The following ZZEF1 variants were observed in gnomAD, a reference collection of about 807,000 sequenced individuals.
The protein encoded by ZZEF1 is zinc finger ZZ-type and EF-hand domain-containing protein 1.
ZZEF1 carries 157 observed loss-of-function variants against 342.8 expected under a neutral mutation model. The ratio of observed to expected loss-of-function variants is 0.46; its 90% confidence interval spans 0.40 to 0.52. The LOEUF is 0.52. ZZEF1 is among the 20% of genes least tolerant of loss of function. The pLI is 0.00. For missense variants in ZZEF1, 3,480 were observed against 3,725.6 expected, an observed-to-expected ratio of 0.93 and a Z score of 1.72; for synonymous variants, 1,505 against 1,429.1, an observed-to-expected ratio of 1.05 and a Z score of -1.20.
intron 42 of ZZEF1, among the ~76,000 whole-genome samples, chr17:4,026,926 C>T (rs2056419683): frequency 6.6e-6 from 1 of 152,016 alleles, no homozygotes; most frequent in Non-Finnish European, 1.5e-5. Context: ...AAAAAAGTCC[C>T]CCAGACAAAC....
chr17:4,086,382 CCTTTCTGG>C, intron 15 of ZZEF1, 96 bp downstream of exon 15: 2 of 1,164,608 alleles, frequency 1.7e-6, no homozygotes, highest in East Asian at 2.5e-5. Flanking sequence ...AGCGGCAATC[CCTTTCTGG>C]CTCGCATCAT....
intron 11 of ZZEF1, among the ~76,000 whole-genome samples, chr17:4,091,285 G>A (rs1181170691): frequency 6.6e-6 from 1 of 152,158 alleles, no homozygotes; most frequent in African/African-American, 2.4e-5. Flanking sequence ...ACATCTGAGG[G>A]CTTTCAGATC....
At position 4,056,200 on chromosome 17, in the gene ZZEF1, A is replaced by G. The variant is rs111753800; in HGVS notation, c.5295+16T>C. 1.8e-4 allele frequency: 289 copies of G among 1,566,554 alleles called. 2 individuals are homozygous for G. The African/African-American group carries it at 3.0e-3, about 16-fold the overall frequency. ...CTAGCAAATCACTTCAGAGTACTCT[A>G]GTTGAGAGGTCTTACTTTCCTCTGC... On this transcript the variant is annotated intron_variant, in intron 33 of 54. Coordinates refer to ENST00000381638, the MANE Select transcript of ZZEF1 (RefSeq NM_015113.4).
chr17:4,052,275 G>GA (rs2057065146), intron 34 of ZZEF1, 139 bp from the exon 35 acceptor site: 2 of 780,250 alleles, frequency 2.6e-6, no homozygotes, highest in Admixed American at 3.2e-5. Context: ...GCGTTCTCTG[G>GA]AGACAGGGTG....
At chr17:4,019,590 C>G (rs2056211825) in intron 46 of ZZEF1, 79 bp downstream of exon 46, 1 of 1,299,070 alleles carries the variant, frequency 7.7e-7, no homozygotes, top group African/African-American at 1.5e-5. Flanking sequence ...CCAGAAGCTG[C>G]TGCCAGGAGG....
Position 4,050,867 on chromosome 17 carries a change from G to C in ZZEF1, c.5777C>G (p.Pro1926Arg). Reference sequence around the variant, plus strand: ...GGTGGTGGCACTGCTGCGCGTCTGGGGGTCCAGCTTCTCCCCATCCACATC... The same window carrying C: ...GGTGGTGGCACTGCTGCGCGTCTGGCGGTCCAGCTTCTCCCCATCCACATC... ...AEDVDGEKLD[P>R]QTRSSATTLR... The change falls in exon 36 of 55, where the codon CCC (proline) becomes CGC (arginine). Residue 1926 changes from proline (P) to arginine (R), a missense_variant. Physicochemically the swap from Pro to Arg is moderately radical, Grantham distance 103 (BLOSUM62 -2). Coordinates refer to ENST00000381638, the MANE Select transcript of ZZEF1 (RefSeq NM_015113.4). The C allele has an allele frequency of 1.2e-6, 2 of 1,614,208 alleles. No individual in the cohort carries two copies. Among genetic ancestry groups the C allele is most frequent in the African/African-American group, 2.7e-5 (2 of 75,066 alleles).
intron 1 of ZZEF1, among the ~76,000 whole-genome samples, chr17:4,129,350 C>T (rs926574288): frequency 2.0e-5 from 3 of 152,128 alleles, no homozygotes; most frequent in Non-Finnish European, 4.4e-5. Context: ...AACAGAACTA[C>T]CATTTGACCC....
In ZZEF1 at chr17:4,088,880, T is replaced by C; in HGVS notation, c.2039A>G (p.Lys680Arg). 6.2e-7 allele frequency: 1 copy of C among 1,614,050 alleles called. No homozygotes were observed. Among genetic ancestry groups the C allele is most frequent in the Non-Finnish European group, 8.5e-7 (1 of 1,180,024 alleles). Reference protein sequence around the residue: ...QCRVAKYLMVKFLCTRQESAE... With the variant: ...QCRVAKYLMVRFLCTRQESAE... ...TGACTCCTGACGGGTGCAGAGGAAC[T>C]TCACCATCAAATACTGGACAGGACA... Residue 680 changes from lysine to arginine, a missense_variant, in exon 13 of 55, where the codon AAG (lysine) becomes AGG (arginine). Around this residue, in one of 5 missense-constraint regions of ZZEF1, gnomAD observed 1,528 missense variants for 1,624.1 expected, o/e 0.94. Coordinates refer to ENST00000381638, the MANE Select transcript of ZZEF1 (RefSeq NM_015113.4).
Position 4,076,734 on chromosome 17 carries a change from G to A in ZZEF1, c.3137C>T (p.Thr1046Ile). The A allele has an allele frequency of 1.2e-6, 2 of 1,611,516 alleles. No homozygotes were observed. Among genetic ancestry groups the A allele is most frequent in the Non-Finnish European group, 8.5e-7 (1 of 1,177,868 alleles). ...QLVIFLLDFC[T>I]LDIPHCVLLR... ...GAGCACGCAGTGTGGGATGTCTAAA[G>A]TGCAGAAGTCCAGCAGGAAGATAAC... The change falls in exon 21 of 55, where the codon ACT becomes ATT. Residue 1046 changes from threonine to isoleucine, a missense_variant. Thr to Ile is a moderately conservative substitution (Grantham distance 89, BLOSUM62 -1). Around this residue, in one of 5 missense-constraint regions of ZZEF1, gnomAD observed 1,528 missense variants for 1,624.1 expected, o/e 0.94. Transcript: ENST00000381638.
rs1345451542 is a variant in ZZEF1, at chr17:4,044,292, T to C, written c.6098A>G (p.Lys2033Arg). ...AATTTGGGTCTGGCATGAAGGATCC[T>C]TCGATAATGATACACCTTTATCTGC... ...NKADKGVSLS[K>R]DPSCQTQISD... Residue 2033 changes from lysine (K) to arginine (R), a missense_variant, in exon 38 of 55, where the codon AAG (lysine) becomes AGG (arginine). Lys to Arg is a conservative substitution (Grantham distance 26). Around this residue, in one of 5 missense-constraint regions of ZZEF1, gnomAD observed 1,269 missense variants for 1,342.4 expected, o/e 0.95. Transcript: ENST00000381638. 1.2e-6 allele frequency: 2 copies of C among 1,614,044 alleles called. No individual in the cohort carries two copies. The highest frequency in any genetic ancestry group is 2.7e-5 in the African/African-American group (2 of 74,938).
At chr17:4,102,045 A>G (rs2058135929) in intron 9 of ZZEF1, among the ~76,000 whole-genome samples, 1 of 152,232 alleles carries the variant, frequency 6.6e-6, no homozygotes. Flanking sequence ...TGAAAAAACG[A>G]TTAAAAAAAA....
chr17:4,101,595 T>A (rs1233934178), intron 9 of ZZEF1, among the ~76,000 whole-genome samples: 1 of 152,164 alleles, frequency 6.6e-6, no homozygotes, highest in Non-Finnish European at 1.5e-5. Flanking sequence ...ACGCAAATAC[T>A]ACATCAGCTA....
At position 4,022,951 on chromosome 17, in the gene ZZEF1, T is replaced by A. The variant is rs953397843; in HGVS notation, c.7093-123A>T. 2.3e-6 allele frequency: 3 copies of A among 1,330,788 alleles called. No homozygotes were observed. The African/African-American group carries it at 4.4e-5, about 19-fold the overall frequency. 82.4% of individuals were successfully genotyped at this position (1,330,788 alleles called of 1,614,324 possible). On this transcript the variant is annotated intron_variant, in intron 43 of 54. Coordinates refer to ENST00000381638, the MANE Select transcript of ZZEF1 (RefSeq NM_015113.4). ...CGTCCATTCAACACATACTTTTGAA[T>A]GAAGCCTATTTTATGTCACACTCCC... is the stretch of plus-strand genomic sequence containing the variant.
In ZZEF1 at chr17:4,007,103, C is replaced by T. The variant is rs757801470; in HGVS notation, c.8806-133G>A. On this transcript the variant is annotated intron_variant, in intron 54 of 54. Coordinates refer to ENST00000381638, the MANE Select transcript of ZZEF1 (RefSeq NM_015113.4). ...GAACCAGATGTGTTCCCCTCCCCCA[C>T]AGGCCTGCAGAGTGGAGAGAGAAAA... The T allele has an allele frequency of 9.8e-5, 72 of 736,886 alleles. No homozygotes were observed. In the African/African-American group the frequency reaches 1.0e-3, roughly 11 times the overall value. The allele number at this position is 736,886 out of a possible 1,614,324, so 45.6% of individuals were successfully genotyped here.
rs895247980 is a variant in ZZEF1 at position 4,099,632 on chromosome 17, G to A, written c.1672+2685C>T. 7.5e-5 allele frequency among the ~76,000 whole-genome samples: 11 copies of A among 147,456 alleles called. No individual in the cohort carries two copies. In the East Asian group the frequency reaches 2.2e-3, roughly 30 times the overall value. ...GCAATCTCAGCTCACTGCAACCTCC[G>A]CCTCCCGGGTTCAAGCAATTCTCCT... On this transcript the variant is annotated intron_variant, in intron 9 of 54. Coordinates refer to ENST00000381638, the MANE Select transcript of ZZEF1 (RefSeq NM_015113.4).
At chr17:4,037,935 T>G (rs2056711558) in intron 39 of ZZEF1, among the ~76,000 whole-genome samples, 2 of 152,166 alleles carry the variant, frequency 1.3e-5, no homozygotes, top group Non-Finnish European at 2.9e-5. Flanking sequence ...AGCAAACTAG[T>G]GAAACTTGAG....
rs760970130 is a variant in ZZEF1 at position 4,088,766 on chromosome 17, T to G, written c.2153A>C (p.His718Pro). The G allele has an allele frequency of 6.2e-7, 1 of 1,614,208 alleles. No individual in the cohort carries two copies. Among genetic ancestry groups the G allele is most frequent in the South Asian group, 1.1e-5 (1 of 91,082 alleles). The change falls in exon 13 of 55, where the codon CAC becomes CCC. Residue 718 changes from histidine (H) to proline (P), a missense_variant. By Grantham distance (77) the His-to-Pro change is moderately conservative. This residue lies in a region of ZZEF1 where 1,528 missense variants were observed against 1,624.1 expected (regional missense o/e 0.94). Transcript: ENST00000381638. ...AEAEQSVTCA[H>P]CRKDTEESVC... ...ACTCTCCTCTGTGTCCTTTCTGCAG[T>G]GTGCACAGGTGACGCTCTGTTCTGC...
intron 44 of ZZEF1, 67 bp from the exon 45 acceptor site, chr17:4,021,387 A>T: frequency 7.6e-7 from 1 of 1,312,816 alleles, no homozygotes; most frequent in Non-Finnish European, 1.0e-6. Flanking sequence ...CAGTCCTTTA[A>T]TCATGAAAAT....
intron 8 of ZZEF1, among the ~76,000 whole-genome samples, chr17:4,103,378 A>T (rs191221648): frequency 5.6e-4 from 55 of 98,252 alleles, no homozygotes; most frequent in Non-Finnish European, 8.5e-4. Context: ...GCTCATTTCT[A>T]AAAAAAAAAA....
Sources: gnomAD v4.1 joint callset for allele counts (sites outside exome capture counted in the v4.1 genomes callset) on GRCh38, gnomAD v4.1.1 for gene constraint, gnomAD v4.1.1 regional missense constraint, MANE v1.5 for transcripts, NCBI Gene and HGNC (gene_info 2026-07-23, HGNC 2026-07-21) for gene names.